The following NFASC variants were observed in gnomAD, a reference collection of about 807,000 sequenced individuals.
NFASC encodes the protein neurofascin, also known as neurofascin homolog.
Under a neutral mutation model 147.5 loss-of-function variants are expected in NFASC, and 43 were observed. The ratio of observed to expected loss-of-function variants is 0.29; its 90% CI spans 0.23 to 0.38. NFASC has a LOEUF of 0.38. Among genes scored for constraint, NFASC ranks in the 10% least tolerant of loss-of-function variants. The pLI is 1.00. For missense variants in NFASC, 1,320 were observed against 1,689.0 expected (o/e 0.78, Z 3.83); for synonymous variants, 622 against 665.5 (o/e 0.93, Z 1.01).
At chr1:204,894,328 C>T (rs564261248) in intron 1 of NFASC, among the ~76,000 whole-genome samples, 30 of 152,318 alleles carry the variant, frequency 2.0e-4, no homozygotes, top group Admixed American at 1.2e-3. Context: ...TCCCTTGGAG[C>T]TGGGGAAGAA....
intron 7 of NFASC, among the ~76,000 whole-genome samples, chr1:204,955,568 C>T (rs1488373979): frequency 4.6e-5 from 7 of 152,092 alleles, no homozygotes; most frequent in African/African-American, 1.4e-4. Flanking sequence ...CATCATTCAG[C>T]GATTGTTCTG....
chr1:204,975,234 A>G lies in NFASC; in HGVS notation c.1559-37A>G. The stretch of plus-strand genomic sequence containing the variant: ...GGCCGCATGGGGATGCTGGGCAGAG[A>G]ACAGGCCAGTGGCGAGTGCTCTGGG... On this transcript the variant is annotated intron_variant, in intron 14 of 29. Transcript: ENST00000339876. This position sits in a 1 kb window ranked among gnomAD's most constrained non-coding sequence, Gnocchi z 4.0. 1 of 1,579,128 alleles carries G rather than the reference A, an allele frequency of 6.3e-7. No individual in the cohort carries two copies. The highest frequency in any genetic ancestry group is 8.6e-7 in the Non-Finnish European group (1 of 1,159,986).
intron 1 of NFASC, among the ~76,000 whole-genome samples, chr1:204,884,678 G>C (rs1479132106): frequency 1.3e-5 from 2 of 152,130 alleles, no homozygotes; most frequent in African/African-American, 4.8e-5. Flanking sequence ...CTCGCACATA[G>C]TACTGTTCTG....
At chr1:204,922,019 AGG>A (rs1404385855) in intron 2 of NFASC, among the ~76,000 whole-genome samples, 5 of 152,306 alleles carry the variant, frequency 3.3e-5, no homozygotes, top group Middle Eastern at 3.4e-3. Context: ...GTGTTTTGGC[AGG>A]GGTGGCGCGG....
intron 25 of NFASC, 78 bp downstream of exon 25, chr1:204,997,484 C>G (rs1046308259): frequency 6.7e-6 from 10 of 1,502,606 alleles, no homozygotes; most frequent in African/African-American, 2.8e-5. Flanking sequence ...CACAGGCTCC[C>G]CCAGCGAGGA....
intron 25 of NFASC, chr1:205,000,265 G>C (rs968392813): frequency 1.3e-5 from 2 of 152,168 alleles, no homozygotes; most frequent in Non-Finnish European, 2.9e-5. Context: ...GGAGAGGAAG[G>C]CTTCACATTG....
intron 2 of NFASC, among the ~76,000 whole-genome samples, chr1:204,923,928 C>A (rs145169715): frequency 6.6e-6 from 1 of 152,240 alleles, no homozygotes; most frequent in South Asian, 2.1e-4. Flanking sequence ...CACCTTTCCA[C>A]CAGAGGCTGG....
At chr1:204,858,186 C>T (rs897261921) in intron 1 of NFASC, among the ~76,000 whole-genome samples, 11 of 152,036 alleles carry the variant, frequency 7.2e-5, no homozygotes, top group African/African-American at 2.7e-4. Flanking sequence ...TCCCAAAGTG[C>T]TGGGATTATA....
chr1:204,842,417 G>A (rs1454426085), intron 1 of NFASC, among the ~76,000 whole-genome samples: 3 of 152,140 alleles, frequency 2.0e-5, no homozygotes, highest in Admixed American at 6.5e-5. Flanking sequence ...CTAAGTCCCC[G>A]CTTTTACATT....
intron 2 of NFASC, among the ~76,000 whole-genome samples, chr1:204,932,546 G>A (rs1220576620): frequency 1.3e-5 from 2 of 152,170 alleles, no homozygotes; most frequent in African/African-American, 2.4e-5. Flanking sequence ...TCACAAAGTG[G>A]GGAGAAAGAT....
chr1:204,931,105 G>T (rs1265607036), intron 2 of NFASC, among the ~76,000 whole-genome samples: 1 of 152,098 alleles, frequency 6.6e-6, no homozygotes, highest in African/African-American at 2.4e-5. Context: ...ATATGAATGA[G>T]AATGTAGTTA....
At chr1:204,948,365 G>A (rs897723064) in intron 3 of NFASC, among the ~76,000 whole-genome samples, 1 of 152,228 alleles carries the variant, frequency 6.6e-6, no homozygotes, top group Non-Finnish European at 1.5e-5. Context: ...AGTGGTGGCT[G>A]CAGACGCCAT....
At position 205,020,811 on chromosome 1, in the gene NFASC, G is replaced by A. The variant is rs2096395659; in HGVS notation, c.*4272G>A. The A allele has an allele frequency of 6.6e-6, 1 of 152,218 alleles. No individual in the cohort carries two copies. Among genetic ancestry groups the A allele is most frequent in the African/African-American group, 2.4e-5 (1 of 41,448 alleles). The allele number at this position is 152,218 out of a possible 1,614,324, so 9.4% of individuals were successfully genotyped here. On this transcript the variant is annotated 3_prime_UTR_variant, in exon 30 of 30. Coordinates refer to ENST00000339876, the MANE Select transcript of NFASC (RefSeq NM_001005388.3). ...GAGAATCCCTTCTCAGTGGCCAGCA[G>A]GTTCCTGGGAGGCCGGCACAAGGCA...
At position 204,919,506 on chromosome 1, in the gene NFASC, A is replaced by G. The variant is rs546329909; in HGVS notation, c.-199-1126A>G. Reference sequence around the variant, plus strand: ...CAAGAACCTTGGAGATTGTAGGTATATAGGATATATTTTAAATAGATTCCT... The same window carrying G: ...CAAGAACCTTGGAGATTGTAGGTATGTAGGATATATTTTAAATAGATTCCT... On this transcript the variant is annotated intron_variant, in intron 1 of 29. Coordinates refer to ENST00000339876, the MANE Select transcript of NFASC (RefSeq NM_001005388.3). 8.5e-5 allele frequency among the ~76,000 whole-genome samples: 13 copies of G among 152,320 alleles called. 1 individual carries two copies. Among genetic ancestry groups the G allele is most frequent in the African/African-American group, 3.1e-4 (13 of 41,552 alleles).
At chr1:205,002,897 T>TATC (rs1470988803) in intron 27 of NFASC, 149 bp downstream of exon 27, 28 of 584,622 alleles carry the variant, frequency 4.8e-5, no homozygotes, top group African/African-American at 4.6e-4. Flanking sequence ...TCTTATTATG[T>TATC]ATCAGCTGAA....
chr1:204,994,906 A>G (rs1308295974), intron 24 of NFASC, among the ~76,000 whole-genome samples: 2 of 152,190 alleles, frequency 1.3e-5, no homozygotes, highest in Non-Finnish European at 2.9e-5. Context: ...TGAGCCTGGG[A>G]GTTCAAGACC....
At chr1:204,856,382 GGTGTGT>G (rs57653534) in intron 1 of NFASC, among the ~76,000 whole-genome samples, 63 of 139,784 alleles carry the variant, frequency 4.5e-4, no homozygotes, top group South Asian at 2.0e-3. Flanking sequence ...ATGCAGAACA[GGTGTGT>G]GTGTGTGTGT....
intron 2 of NFASC, among the ~76,000 whole-genome samples, chr1:204,940,644 T>C (rs1905253): frequency 0.14 from 20,826 of 152,184 alleles, 1,796 homozygotes; most frequent in African/African-American, 0.25. Flanking sequence ...TTTGTCTCAG[T>C]GTATGTATCT....
intron 12 of NFASC, among the ~76,000 whole-genome samples, 185 bp from the exon 13 acceptor site, chr1:204,973,994 G>C (rs899704240): frequency 6.6e-6 from 1 of 152,206 alleles, no homozygotes; most frequent in African/African-American, 2.4e-5. Context: ...GGCAGAGGAC[G>C]TAGTAAGCTT....
Sources: gnomAD v4.1 joint callset for allele counts (sites outside exome capture counted in the v4.1 genomes callset) on GRCh38, gnomAD v4.1.1 for gene constraint, Gnocchi (gnomAD v3.1) non-coding constraint, MANE v1.5 for transcripts, NCBI Gene and HGNC (gene_info 2026-07-23, HGNC 2026-07-21) for gene names.